The following NF2 variants were observed in gnomAD, a reference collection of about 807,000 sequenced individuals.
NF2 encodes the protein merlin.
In NF2, 8 loss-of-function variants were observed where a neutral mutation model predicts 83.7. The observed-to-expected ratio is 0.10, with a 90% CI of 0.06 to 0.17. The LOEUF (loss-of-function observed/expected upper bound fraction) is 0.17. Among genes scored for constraint, NF2 ranks in the 10% least tolerant of loss-of-function variants. The pLI is 1.00. For synonymous variants in NF2, 266 were observed against 269.6 expected, an observed-to-expected ratio of 0.99 and a Z score of 0.13; for missense variants, 533 against 744.4, an observed-to-expected ratio of 0.72 and a Z score of 3.31.
At chr22:29,680,207 G>A (rs1311592981) in intron 14 of NF2, among the ~76,000 whole-genome samples, 9 of 151,950 alleles carry the variant, frequency 5.9e-5, no homozygotes, top group Non-Finnish European at 1.3e-4. Context: ...CACCTCCTGG[G>A]TGCAAGCGAT....
intron 1 of NF2, among the ~76,000 whole-genome samples, chr22:29,626,576 A>G (rs1317619492): frequency 6.6e-6 from 1 of 152,238 alleles, no homozygotes; most frequent in Non-Finnish European, 1.5e-5. Context: ...GAAACAGAGA[A>G]TATTCAAAAT....
intron 1 of NF2, among the ~76,000 whole-genome samples, chr22:29,619,483 G>A (rs369234417): frequency 6.6e-6 from 1 of 152,008 alleles, no homozygotes; most frequent in Non-Finnish European, 1.5e-5. Context: ...TTCAACCTCT[G>A]TCTCCTGGGT....
intron 4 of NF2, among the ~76,000 whole-genome samples, chr22:29,647,627 A>G (rs1461864760): frequency 6.6e-6 from 1 of 152,198 alleles, no homozygotes; most frequent in East Asian, 1.9e-4. Flanking sequence ...TCCAGGAGAT[A>G]AAAAGTTGAT....
At chr22:29,654,568 TG>T in intron 4 of NF2, 88 bp from the exon 5 acceptor site, 1 of 1,076,442 alleles carries the variant, frequency 9.3e-7, no homozygotes, top group South Asian at 1.3e-5. Flanking sequence ...TCCCTGGAGC[TG>T]GGAGGGAATG....
At chr22:29,683,339 T>C (rs1260399201) in intron 15 of NF2, 21 of 1,400,422 alleles carry the variant, frequency 1.5e-5, no homozygotes, top group Non-Finnish European at 1.9e-5. Context: ...CGGGTCATTG[T>C]TGGGCTGGGG....
intron 10 of NF2, 62 bp from the exon 11 acceptor site, chr22:29,671,764 C>T: frequency 1.2e-6 from 2 of 1,610,928 alleles, no homozygotes; most frequent in Non-Finnish European, 1.7e-6. Context: ...TCTTTGGGCC[C>T]TTGTGGCACC....
chr22:29,649,959 A>G (rs886824207), intron 4 of NF2, among the ~76,000 whole-genome samples: 6 of 152,182 alleles, frequency 3.9e-5, no homozygotes, highest in African/African-American at 1.4e-4. Context: ...ATTATTTCAC[A>G]TTGCACACCG....
In NF2 at chr22:29,622,021, C is replaced by T. The variant is rs2065228669; in HGVS notation, c.115-14730C>T. On this transcript the variant is annotated intron_variant, in intron 1 of 15. Coordinates refer to ENST00000338641, the MANE Select transcript of NF2 (RefSeq NM_000268.4). Reference sequence around the variant, plus strand: ...TCAGGCCAGCCCTCTTTCCACTACCCTATGCTACCCAAATAGGAAGCGTAA... The same window carrying T: ...TCAGGCCAGCCCTCTTTCCACTACCTTATGCTACCCAAATAGGAAGCGTAA... Among the ~76,000 whole-genome samples the T allele has an allele frequency of 3.3e-5, 5 of 152,304 alleles. No homozygotes were observed. In the South Asian group the frequency reaches 1.0e-3, roughly 32 times the overall value.
At chr22:29,650,242 A>G (rs370997883) in intron 4 of NF2, among the ~76,000 whole-genome samples, 2 of 152,230 alleles carry the variant, frequency 1.3e-5, no homozygotes, top group East Asian at 3.8e-4. Flanking sequence ...AAAAAATTTA[A>G]ATAGATATAG....
At chr22:29,618,093 T>C (rs7284180) in intron 1 of NF2, among the ~76,000 whole-genome samples, 1 of 152,226 alleles carries the variant, frequency 6.6e-6, no homozygotes, top group Non-Finnish European at 1.5e-5. Context: ...TGTTGTGATT[T>C]ATCAAGCCAT....
chr22:29,659,388 G>A (rs964001094), intron 7 of NF2, among the ~76,000 whole-genome samples: 2 of 152,012 alleles, frequency 1.3e-5, no homozygotes, highest in East Asian at 1.9e-4. Flanking sequence ...TTGCTATATC[G>A]CCCAGGCCTG....
Position 29,604,032 on chromosome 22 carries a change from A to G in NF2, c.34A>G (p.Ser12Gly). 2 of 1,600,920 alleles carry G rather than the reference A, an allele frequency of 1.2e-6. No homozygotes were observed. Among genetic ancestry groups the G allele is most frequent in the Non-Finnish European group, 1.7e-6 (2 of 1,173,990 alleles). The change falls in exon 1 of 16, where the codon AGC becomes GGC. Residue 12 changes from serine to glycine, a missense_variant. By Grantham distance (56) the Ser-to-Gly change is moderately conservative (BLOSUM62 0). Coordinates refer to ENST00000338641, the MANE Select transcript of NF2 (RefSeq NM_000268.4). ...AGAIASRMSF[S>G]SLKRKQPKTF... ...GGCCATCGCTTCCCGCATGAGCTTC[A>G]GCTCTCTCAAGAGGAAGCAACCCAA...
At chr22:29,611,161 A>C (rs189114590) in intron 1 of NF2, among the ~76,000 whole-genome samples, 1 of 152,334 alleles carries the variant, frequency 6.6e-6, no homozygotes. Context: ...AAATAAACTA[A>C]GAAGAGAAGA....
intron 1 of NF2, among the ~76,000 whole-genome samples, chr22:29,622,727 C>CT (rs1435160321): frequency 7.5e-6 from 1 of 133,860 alleles, no homozygotes; most frequent in Non-Finnish European, 1.5e-5. Flanking sequence ...GTGATCTCTG[C>CT]TCACTGCAAC....
At chr22:29,609,181 A>G (rs1414194117) in intron 1 of NF2, 3 of 744,180 alleles carry the variant, frequency 4.0e-6, no homozygotes, top group Non-Finnish European at 7.6e-6. Flanking sequence ...CCATAAAACC[A>G]GGAACCTCAG....
rs1293851600 is a variant in NF2 at position 29,694,779 on chromosome 22, G to A, written c.1765G>A (p.Val589Met). 13 of 1,613,832 alleles carry A rather than the reference G, an allele frequency of 8.1e-6. No individual in the cohort carries two copies. The highest frequency in any genetic ancestry group is 8.5e-6 in the Non-Finnish European group (10 of 1,179,892). ...KLTLQSAKSR[V>M]AFFEEL ...CACCTTGCAGAGCGCCAAGTCCCGA[G>A]TGGCCTTCTTTGAAGAGCTCTAGCA... Residue 589 changes from valine (V) to methionine (M), a missense_variant, in exon 16 of 16, where the codon GTG becomes ATG. Val to Met is a conservative substitution (Grantham distance 21). Coordinates refer to ENST00000338641, the MANE Select transcript of NF2 (RefSeq NM_000268.4). This position sits in a 1 kb window ranked among gnomAD's most constrained non-coding sequence, Gnocchi z 4.1.
intron 1 of NF2, among the ~76,000 whole-genome samples, chr22:29,607,762 A>G (rs114318603): frequency 1.3e-5 from 2 of 152,322 alleles, no homozygotes; most frequent in African/African-American, 4.8e-5. Context: ...ACAATACTAA[A>G]GGAAAATATG....
chr22:29,608,310 G>T (rs1601525075), intron 1 of NF2, among the ~76,000 whole-genome samples: 1 of 148,202 alleles, frequency 6.7e-6, no homozygotes, highest in South Asian at 2.1e-4. Context: ...ACAGAGTCTC[G>T]CTCTGTTGCC....
At chr22:29,604,177 T>A in intron 1 of NF2, 65 bp downstream of exon 1, 4 of 1,262,148 alleles carry the variant, frequency 3.2e-6, no homozygotes, top group Non-Finnish European at 4.5e-6. Context: ...AGGTTCTCTT[T>A]ATATCATCTT....
Sources: gnomAD v4.1 joint callset for allele counts (sites outside exome capture counted in the v4.1 genomes callset) on GRCh38, gnomAD v4.1.1 for gene constraint, Gnocchi (gnomAD v3.1) non-coding constraint, MANE v1.5 for transcripts, NCBI Gene and HGNC (gene_info 2026-07-23, HGNC 2026-07-21) for gene names.